The following GALNT13 variants were observed in gnomAD, a reference collection of about 807,000 sequenced individuals.
The protein encoded by GALNT13 is UDP-GalNAc:polypeptide N-acetylgalactosaminyltransferase 13.
A neutral mutation model predicts 64.2 loss-of-function variants in GALNT13; 28 were observed. The ratio of observed to expected loss-of-function variants is 0.44; its 90% CI spans 0.32 to 0.60. The LOEUF (loss-of-function observed/expected upper bound fraction) is 0.60. Among genes scored for constraint, GALNT13 ranks in the 20% least tolerant of loss-of-function variants. The pLI, the probability that GALNT13 is intolerant of heterozygous loss-of-function variation, is 0.05. For synonymous variants in GALNT13, 214 were observed against 224.6 expected (o/e 0.95, Z 0.42); for missense variants, 577 against 669.8 (o/e 0.86, Z 1.53).
the GALNT13 span, among the ~76,000 whole-genome samples, chr2:153,213,912 G>A: frequency 2.6e-5 from 4 of 152,092 alleles, no homozygotes; most frequent in African/African-American, 4.8e-5. Context: ...AAAAAGAGAA[G>A]AATATACAAC....
the GALNT13 span, among the ~76,000 whole-genome samples, chr2:153,627,925 G>T: frequency 0.51 from 77,983 of 151,736 alleles, 21,882 homozygotes; most frequent in African/African-American, 0.75. Flanking sequence ...GCATTGAATC[G>T]GTAAATTACC....
intron 3 of GALNT13, among the ~76,000 whole-genome samples, chr2:154,009,476 T>C (rs1696479262): frequency 1.3e-5 from 2 of 150,114 alleles, no homozygotes; most frequent in African/African-American, 4.9e-5. Flanking sequence ...GCATTGAATC[T>C]ATAAATTGCT....
the GALNT13 span, among the ~76,000 whole-genome samples, chr2:153,109,652 G>T: frequency 6.6e-6 from 1 of 152,128 alleles, no homozygotes; most frequent in African/African-American, 2.4e-5. Flanking sequence ...TGCTTAGGAA[G>T]GTCATTGGCC....
At chr2:154,415,169 T>G (rs1043250157) in intron 11 of GALNT13, among the ~76,000 whole-genome samples, 2 of 151,810 alleles carry the variant, frequency 1.3e-5, no homozygotes, top group African/African-American at 2.4e-5. Context: ...TAAAATATAT[T>G]CATAATTAGG....
the GALNT13 span, among the ~76,000 whole-genome samples, chr2:153,769,365 G>A: frequency 6.6e-6 from 1 of 152,122 alleles, no homozygotes; most frequent in Non-Finnish European, 1.5e-5. Context: ...ATACAAAGCT[G>A]TTGGCTAGCT....
chr2:153,793,656 A>T, the GALNT13 span, among the ~76,000 whole-genome samples: 4 of 4,988 alleles, frequency 8.0e-4, no homozygotes, highest in Non-Finnish European at 5.6e-3. Flanking sequence ...TTTTGCTTTA[A>T]AAAAAAAAAA....
At chr2:153,493,755 C>G in the GALNT13 span, among the ~76,000 whole-genome samples, 1 of 151,550 alleles carries the variant, frequency 6.6e-6, no homozygotes, top group East Asian at 1.9e-4. Flanking sequence ...ATTAGCTAAT[C>G]AAAGCCAACA....
chr2:153,666,505 A>G, the GALNT13 span, among the ~76,000 whole-genome samples: 1 of 152,194 alleles, frequency 6.6e-6, no homozygotes, highest in Admixed American at 6.5e-5. Flanking sequence ...CAGCCCCTCC[A>G]GCACAGCAGG....
At chr2:153,930,025 T>C (rs1481894025) in intron 2 of GALNT13, among the ~76,000 whole-genome samples, 1 of 152,004 alleles carries the variant, frequency 6.6e-6, no homozygotes, top group Non-Finnish European at 1.5e-5. Flanking sequence ...TTTTGAATTG[T>C]TAATAGCCAT....
At chr2:153,574,854 C>T in the GALNT13 span, among the ~76,000 whole-genome samples, 1 of 151,744 alleles carries the variant, frequency 6.6e-6, no homozygotes, top group Non-Finnish European at 1.5e-5. Flanking sequence ...TTCTGTTTTG[C>T]TTGGATTGGG....
the GALNT13 span, among the ~76,000 whole-genome samples, chr2:153,255,766 C>A: frequency 2.2e-3 from 332 of 152,200 alleles, 2 homozygotes; most frequent in Middle Eastern, 3.4e-3. Flanking sequence ...GTTGAAAATT[C>A]TTTTCTTTAA....
the GALNT13 span, among the ~76,000 whole-genome samples, chr2:153,466,449 T>TG: frequency 2.1e-5 from 2 of 93,202 alleles, no homozygotes; most frequent in Non-Finnish European, 5.5e-5. Context: ...GCTTTCTAGT[T>TG]GTTTTTTTTT....
the GALNT13 span, among the ~76,000 whole-genome samples, chr2:153,365,223 C>T: frequency 6.6e-6 from 1 of 152,078 alleles, no homozygotes; most frequent in African/African-American, 2.4e-5. Context: ...CTTCCTCACA[C>T]CTTGTACAAA....
At chr2:153,825,434 G>A in the GALNT13 span, among the ~76,000 whole-genome samples, 2 of 152,106 alleles carry the variant, frequency 1.3e-5, no homozygotes, top group Non-Finnish European at 2.9e-5. Context: ...GTATTTAGAG[G>A]CTACGACAAG....
chr2:153,268,069 C>T, the GALNT13 span, among the ~76,000 whole-genome samples: 2 of 152,176 alleles, frequency 1.3e-5, no homozygotes, highest in African/African-American at 4.8e-5. Context: ...AAAACATAAT[C>T]ATTCCCTTCC....
At chr2:153,868,709 C>G (rs1174579249), upstream of GALNT13, among the ~76,000 whole-genome samples, 1 of 152,178 alleles carries the variant, frequency 6.6e-6, no homozygotes, top group Non-Finnish European at 1.5e-5. Context: ...TACTCTGTAG[C>G]TAAGGCCCTA....
At chr2:153,142,513 A>G in the GALNT13 span, among the ~76,000 whole-genome samples, 1 of 152,100 alleles carries the variant, frequency 6.6e-6, no homozygotes, top group East Asian at 1.9e-4. Context: ...CTACTGTGGT[A>G]TAACGTATAT....
At chr2:153,503,644 T>C in the GALNT13 span, among the ~76,000 whole-genome samples, 9 of 152,124 alleles carry the variant, frequency 5.9e-5, no homozygotes, top group African/African-American at 2.2e-4. Context: ...TTTCACCCCG[T>C]TGGCCAGGCT....
intron 9 of GALNT13, among the ~76,000 whole-genome samples, chr2:154,330,716 T>A (rs74499839): frequency 0.013 from 2,029 of 152,176 alleles, 23 homozygotes; most frequent in South Asian, 0.052. Flanking sequence ...ACACCATGGA[T>A]CAAAAATTCA....
Sources: allele counts gnomAD v4.1 joint callset (sites outside exome capture counted in the v4.1 genomes callset), GRCh38; gene constraint gnomAD v4.1.1; transcripts MANE v1.5; gene names NCBI Gene and HGNC (gene_info 2026-07-23, HGNC 2026-07-21).